The following GRID2 variants were observed in gnomAD, a reference collection of about 807,000 sequenced individuals.
GRID2 encodes glutamate receptor ionotropic, delta-2.
In GRID2, 33 loss-of-function variants were observed where a neutral mutation model predicts 114.8. The observed-to-expected ratio is 0.29, with a 90% CI of 0.22 to 0.38. The LOEUF (loss-of-function observed/expected upper bound fraction) is 0.38. GRID2 is among the 10% of genes least tolerant of loss of function. The pLI, the probability that GRID2 is intolerant of heterozygous loss-of-function variation, is 1.00. For synonymous variants in GRID2, 505 were observed against 449.9 expected (o/e 1.12, Z -1.55); for missense variants, 1,184 against 1,257.7 (o/e 0.94, Z 0.89).
At chr4:92,556,541 C>CA (rs2149177767) in intron 1 of GRID2, among the ~76,000 whole-genome samples, 1 of 152,128 alleles carries the variant, frequency 6.6e-6, no homozygotes, top group East Asian at 1.9e-4. Context: ...CTCACAGCAT[C>CA]AAAAATATAT....
At chr4:92,610,873 G>A (rs1729688446) in intron 2 of GRID2, among the ~76,000 whole-genome samples, 2 of 151,616 alleles carry the variant, frequency 1.3e-5, no homozygotes, top group African/African-American at 4.8e-5. Flanking sequence ...CTATGTTGTA[G>A]CAAGTGACAA....
chr4:93,063,513 C>T (rs991120254), intron 2 of GRID2, among the ~76,000 whole-genome samples: 16 of 151,836 alleles, frequency 1.1e-4, no homozygotes, highest in African/African-American at 3.9e-4. Flanking sequence ...TGGATATACT[C>T]AAATGTATAG....
At chr4:93,069,133 C>A (rs529706121) in intron 2 of GRID2, among the ~76,000 whole-genome samples, 1 of 151,822 alleles carries the variant, frequency 6.6e-6, no homozygotes, top group African/African-American at 2.4e-5. Context: ...CACCATGAAC[C>A]AATCACCTCT....
rs1377710009 is a variant in GRID2, at chr4:93,316,386, T to TTGAA, written c.1245+77896_1245+77897insTGAA. Among the ~76,000 whole-genome samples the TTGAA allele has an allele frequency of 2.6e-5, 2 of 77,606 alleles. 1 individual carries two copies. Among genetic ancestry groups the TTGAA allele is most frequent in the African/African-American group, 1.2e-4 (2 of 17,144 alleles). The allele number at this position is 77,606 out of a possible 152,430, so 50.9% of individuals were successfully genotyped here. ...AAAAGAAAAAGAAAGAAAGAAAGAA[T>TTGAA]AGAAAAGGAAGGAAGGAAGGAGAAG... On this transcript the variant is annotated intron_variant, in intron 8 of 15. Coordinates refer to ENST00000282020, the MANE Select transcript of GRID2 (RefSeq NM_001510.4).
chr4:93,354,927 C>A (rs1761186575), intron 8 of GRID2, among the ~76,000 whole-genome samples: 1 of 147,070 alleles, frequency 6.8e-6, no homozygotes, highest in Non-Finnish European at 1.5e-5. Context: ...CCTGGTTGCC[C>A]CCTGAGTGTG....
At chr4:93,776,677 C>A (rs1180201624), downstream of GRID2, among the ~76,000 whole-genome samples, 2 of 152,146 alleles carry the variant, frequency 1.3e-5, no homozygotes, top group African/African-American at 4.8e-5. Context: ...TCTCAAGCAC[C>A]AATTGAAACT....
intron 2 of GRID2, among the ~76,000 whole-genome samples, chr4:92,877,469 A>T (rs1578369140): frequency 6.6e-6 from 1 of 152,214 alleles, no homozygotes; most frequent in Non-Finnish European, 1.5e-5. Flanking sequence ...GAGGTACACT[A>T]GTTGAGTAAT....
At chr4:93,734,815 A>G (rs7680272) in intron 14 of GRID2, among the ~76,000 whole-genome samples, 6,875 of 152,158 alleles carry the variant, frequency 0.045, 256 homozygotes, top group African/African-American at 0.095. Flanking sequence ...GGAACATTGC[A>G]CGCCATTAAT....
intron 1 of GRID2, among the ~76,000 whole-genome samples, chr4:92,500,483 CTTG>C (rs986404090): frequency 3.3e-5 from 5 of 152,018 alleles, no homozygotes; most frequent in African/African-American, 1.2e-4. Context: ...TCTGAATTCC[CTTG>C]TTGTTTATTC....
intron 2 of GRID2, among the ~76,000 whole-genome samples, chr4:92,916,101 T>G (rs982354292): frequency 2.6e-5 from 4 of 152,178 alleles, no homozygotes; most frequent in Non-Finnish European, 5.9e-5. Flanking sequence ...TTTTAGCTTT[T>G]GTTGCAACTG....
intron 8 of GRID2, among the ~76,000 whole-genome samples, chr4:93,394,278 A>G (rs1275685544): frequency 2.0e-5 from 3 of 152,142 alleles, no homozygotes; most frequent in East Asian, 1.9e-4. Context: ...ACTAAGAATG[A>G]CATATCATTG....
At chr4:92,458,172 T>G (rs1381516519) in intron 1 of GRID2, among the ~76,000 whole-genome samples, 1 of 152,210 alleles carries the variant, frequency 6.6e-6, no homozygotes, top group Non-Finnish European at 1.5e-5. Context: ...CCTTAAATTT[T>G]CTTTGATTTT....
At chr4:92,507,888 G>T (rs1319403527) in intron 1 of GRID2, among the ~76,000 whole-genome samples, 2 of 151,820 alleles carry the variant, frequency 1.3e-5, no homozygotes, top group Admixed American at 1.3e-4. Flanking sequence ...CTTTCATATG[G>T]TCCATGCTTT....
At chr4:92,362,547 TG>T (rs1381404123) in intron 1 of GRID2, among the ~76,000 whole-genome samples, 2 of 152,020 alleles carry the variant, frequency 1.3e-5, no homozygotes, top group African/African-American at 4.8e-5. Flanking sequence ...CAGTTTTCTT[TG>T]TAAATGTATA....
At chr4:92,551,363 A>G (rs1020277124) in intron 1 of GRID2, among the ~76,000 whole-genome samples, 3 of 152,084 alleles carry the variant, frequency 2.0e-5, no homozygotes, top group African/African-American at 7.2e-5. Context: ...TGTGAGAAGT[A>G]TTATGTGCAA....
chr4:93,005,707 G>A (rs1230844768), intron 2 of GRID2, among the ~76,000 whole-genome samples: 1 of 152,050 alleles, frequency 6.6e-6, no homozygotes, highest in Non-Finnish European at 1.5e-5. Context: ...CAATGGAATA[G>A]TATTTGACCA....
intron 2 of GRID2, among the ~76,000 whole-genome samples, chr4:92,628,063 G>A (rs577412716): frequency 1.6e-4 from 25 of 152,236 alleles, no homozygotes; most frequent in African/African-American, 5.8e-4. Context: ...TTAGGAAGAT[G>A]AGAATTTTTA....
chr4:93,254,597 T>G (rs7685687), intron 8 of GRID2, among the ~76,000 whole-genome samples: 2 of 151,892 alleles, frequency 1.3e-5, no homozygotes. Flanking sequence ...TTCAAGGTTG[T>G]TATGAATCTA....
At chr4:93,605,737 G>A (rs143193788) in intron 13 of GRID2, among the ~76,000 whole-genome samples, 5 of 152,326 alleles carry the variant, frequency 3.3e-5, no homozygotes, top group African/African-American at 1.2e-4. Flanking sequence ...AGCATGAAAA[G>A]CATGCAGTTC....
Sources: allele counts gnomAD v4.1 joint callset (sites outside exome capture counted in the v4.1 genomes callset), GRCh38; gene constraint gnomAD v4.1.1; transcripts MANE v1.5; gene names NCBI Gene and HGNC (gene_info 2026-07-23, HGNC 2026-07-21).